Variants in NCOA6 observed in about 807,000 individuals in gnomAD.
The protein encoded by NCOA6 is NRC RAP250.
NCOA6 carries 49 observed loss-of-function variants against 171.4 expected under a neutral mutation model. The ratio of observed to expected loss-of-function variants is 0.29; its 90% confidence interval spans 0.23 to 0.36. NCOA6 has a LOEUF of 0.36. NCOA6 is among the 10% of genes least tolerant of loss of function. The pLI, the probability that NCOA6 is intolerant of heterozygous loss-of-function variation, is 1.00. For missense variants in NCOA6, 2,248 were observed against 2,554.5 expected, an observed-to-expected ratio of 0.88 and a Z score of 2.59; for synonymous variants, 910 against 927.5, an observed-to-expected ratio of 0.98 and a Z score of 0.34.
At chr20:34,758,245 G>C in intron 6 of NCOA6, 141 bp from the exon 7 acceptor site, 1 of 1,116,530 alleles carries the variant, frequency 9.0e-7, no homozygotes, top group South Asian at 1.7e-5. Flanking sequence ...TACCTTCTAT[G>C]TATGAAGCAA....
At chr20:34,740,169 T>G (rs2076087895) in intron 11 of NCOA6, among the ~76,000 whole-genome samples, 194 bp downstream of exon 11, 1 of 152,174 alleles carries the variant, frequency 6.6e-6, no homozygotes, top group Admixed American at 6.5e-5. Context: ...GGCCCTTAGC[T>G]CTCTTTAATG....
intron 1 of NCOA6, among the ~76,000 whole-genome samples, chr20:34,802,286 G>A (rs1309717694): frequency 6.6e-6 from 1 of 152,100 alleles, no homozygotes; most frequent in East Asian, 1.9e-4. Context: ...GGCCAACATG[G>A]AGAAACCTCA....
At position 34,810,478 on chromosome 20, in the gene NCOA6, A is replaced by C. The variant is rs190063896; in HGVS notation, c.-164+14994T>G. 5.4e-4 allele frequency among the ~76,000 whole-genome samples: 82 copies of C among 152,362 alleles called. No homozygotes were observed. In the South Asian group the frequency reaches 8.7e-3, roughly 16 times the overall value. On this transcript the variant is annotated intron_variant, in intron 1 of 14. Coordinates refer to ENST00000359003, the MANE Select transcript of NCOA6 (RefSeq NM_014071.5). ...ACATGTCCTGGGTTCATAACTGTGCACTATTGAAGCTATTGTACCATCCAT... is the reference window on the plus strand; with the variant it reads ...ACATGTCCTGGGTTCATAACTGTGCCCTATTGAAGCTATTGTACCATCCAT...
At chr20:34,760,853 T>C (rs1470804273) in intron 5 of NCOA6, among the ~76,000 whole-genome samples, 1 of 152,240 alleles carries the variant, frequency 6.6e-6, no homozygotes, top group Non-Finnish European at 1.5e-5. Context: ...TTTTTCATTC[T>C]TTACATTGTT....
intron 14 of NCOA6, among the ~76,000 whole-genome samples, chr20:34,717,810 G>C (rs923762431): frequency 1.3e-5 from 2 of 152,102 alleles, no homozygotes; most frequent in Non-Finnish European, 2.9e-5. Context: ...AAATAGGCAG[G>C]GTTTTTGTCT....
intron 3 of NCOA6, among the ~76,000 whole-genome samples, chr20:34,778,262 A>G (rs1244037937): frequency 2.0e-5 from 3 of 152,178 alleles, no homozygotes; most frequent in Non-Finnish European, 4.4e-5. Context: ...ATGGGCTTTG[A>G]GCATCTTACG....
intron 14 of NCOA6, among the ~76,000 whole-genome samples, chr20:34,726,569 G>C (rs531627598): frequency 1.3e-5 from 2 of 152,252 alleles, no homozygotes; most frequent in African/African-American, 2.4e-5. Flanking sequence ...CAGATCACTT[G>C]AGGTTAGGAG....
intron 1 of NCOA6, among the ~76,000 whole-genome samples, chr20:34,796,449 G>A (rs2078077686): frequency 6.6e-6 from 1 of 151,914 alleles, no homozygotes; most frequent in African/African-American, 2.4e-5. Context: ...GTGAAATCCT[G>A]CCTCTACAAA....
At chr20:34,750,979 A>G (rs1396389479) in intron 8 of NCOA6, among the ~76,000 whole-genome samples, 3 of 151,752 alleles carry the variant, frequency 2.0e-5, no homozygotes, top group Non-Finnish European at 2.9e-5. Flanking sequence ...ATGCCATTGC[A>G]CTCCAGCCTG....
At chr20:34,754,989 A>G in intron 7 of NCOA6, 121 bp from the exon 8 acceptor site, 1 of 921,518 alleles carries the variant, frequency 1.1e-6, no homozygotes, top group Admixed American at 2.7e-5. Context: ...TCTCTGTCAC[A>G]CTGGTAGGAT....
At chr20:34,764,143 A>C (rs957702825) in intron 5 of NCOA6, among the ~76,000 whole-genome samples, 9 of 148,726 alleles carry the variant, frequency 6.1e-5, no homozygotes, top group Admixed American at 1.4e-4. Flanking sequence ...GCTGGAGTGC[A>C]GTGGCGCGAT....
In NCOA6 at chr20:34,808,745, C is replaced by A. The variant is rs559712228; in HGVS notation, c.-163-16182G>T. On this transcript the variant is annotated intron_variant, in intron 1 of 14. Coordinates refer to ENST00000359003, the MANE Select transcript of NCOA6 (RefSeq NM_014071.5). ...GAGCCACAGTGCCCAGCCTTGTCTG[C>A]ACTTTAGATCTTCTTGAGATCTTTT... is the stretch of plus-strand genomic sequence containing the variant. Among the ~76,000 whole-genome samples the A allele has an allele frequency of 7.2e-5, 11 of 152,242 alleles. 1 individual carries two copies. In the Middle Eastern group the frequency reaches 0.017, roughly 235 times the overall value.
At chr20:34,740,335 AAG>A (rs1430806699) in intron 11 of NCOA6, 26 bp downstream of exon 11, 1 of 1,587,636 alleles carries the variant, frequency 6.3e-7, no homozygotes, top group African/African-American at 1.3e-5. Flanking sequence ...AACTGACACA[AAG>A]AGATGATGAA....
intron 13 of NCOA6, among the ~76,000 whole-genome samples, chr20:34,731,372 G>A (rs2075774457): frequency 6.6e-6 from 1 of 152,202 alleles, no homozygotes; most frequent in Non-Finnish European, 1.5e-5. Context: ...CAATACATAG[G>A]TTAAATATCA....
intron 14 of NCOA6, among the ~76,000 whole-genome samples, chr20:34,716,182 G>A (rs2146859983): frequency 7.7e-6 from 1 of 130,594 alleles, no homozygotes; most frequent in South Asian, 2.6e-4. Context: ...TCCCACCACT[G>A]TACTGTAGCC....
Position 34,743,267 on chromosome 20 carries a change from G to A in NCOA6, c.2989C>T (p.Pro997Ser), listed in dbSNP as rs144329097. Residue 997 changes from proline (P) to serine (S), a missense_variant, in exon 11 of 15, where the codon CCA becomes TCA. By Grantham distance (74) the Pro-to-Ser change is moderately conservative. Around this residue, in one of 7 missense-constraint regions of NCOA6, gnomAD observed 352 missense variants for 419.1 expected, o/e 0.84. Transcript: ENST00000359003. Reference sequence around the variant, plus strand: ...GGCTGCTGCTGTGGTGGCTGTGGTGGGGGTGCCACATGCTGCATGAGTTGA... The same window carrying A: ...GGCTGCTGCTGTGGTGGCTGTGGTGAGGGTGCCACATGCTGCATGAGTTGA... ...PPQLMQHVAP[P>S]PQPPQQQPQP... is the part of the protein sequence containing the mutation. 4 of 1,613,864 alleles carry A rather than the reference G, an allele frequency of 2.5e-6. No individual in the cohort carries two copies. Among genetic ancestry groups the A allele is most frequent in the Non-Finnish European group, 3.4e-6 (4 of 1,179,992 alleles).
chr20:34,718,648 G>C (rs995890218), intron 14 of NCOA6, among the ~76,000 whole-genome samples: 21 of 152,016 alleles, frequency 1.4e-4, no homozygotes, highest in African/African-American at 5.1e-4. Flanking sequence ...TGGGATTACA[G>C]GCATGCACCA....
chr20:34,714,999 TC>T lies in NCOA6; in HGVS notation c.*322del, dbSNP rs1988360006. On this transcript the variant is annotated 3_prime_UTR_variant, in exon 15 of 15. Coordinates refer to ENST00000359003, the MANE Select transcript of NCOA6 (RefSeq NM_014071.5). ...CACAGTACTTCCACGGCACAATACA[TC>T]ATTAGGAGATCTAAAAATGCTCACC... is the stretch of plus-strand genomic sequence containing the variant. 2.2e-5 allele frequency: 2 copies of T among 92,254 alleles called. No homozygotes were observed. The highest frequency in any genetic ancestry group is 2.2e-5 in the Non-Finnish European group (1 of 45,888). The allele number at this position is 92,254 out of a possible 1,614,324, so 5.7% of individuals were successfully genotyped here.
At chr20:34,766,594 G>C (rs927965044) in intron 5 of NCOA6, among the ~76,000 whole-genome samples, 10 of 152,152 alleles carry the variant, frequency 6.6e-5, no homozygotes, top group African/African-American at 1.9e-4. Flanking sequence ...ACTTCTTAGA[G>C]ATACTTAGTA....
Sources: gnomAD v4.1 joint callset for allele counts (sites outside exome capture counted in the v4.1 genomes callset) on GRCh38, gnomAD v4.1.1 for gene constraint, gnomAD v4.1.1 regional missense constraint, MANE v1.5 for transcripts, NCBI Gene and HGNC (gene_info 2026-07-23, HGNC 2026-07-21) for gene names.